Variants in CAMTA1 observed in about 807,000 individuals in gnomAD.
The protein encoded by CAMTA1 is calmodulin-binding transcription activator 1.
Under a neutral mutation model 170.9 loss-of-function variants are expected in CAMTA1, and 27 were observed. The observed-to-expected ratio is 0.16, with a 90% confidence interval of 0.12 to 0.22. The LOEUF is 0.22. Among genes scored for constraint, CAMTA1 ranks in the 10% least tolerant of loss-of-function variants. The pLI is 1.00. For synonymous variants in CAMTA1, 833 were observed against 891.5 expected (o/e 0.93, Z 1.17); for missense variants, 1,619 against 2,217.2 (o/e 0.73, Z 5.42).
chr1:7,268,261 G>A (rs1300076886), intron 5 of CAMTA1, among the ~76,000 whole-genome samples: 1 of 20,874 alleles, frequency 4.8e-5, no homozygotes, highest in East Asian at 6.8e-4. Flanking sequence ...AGAGTACAGA[G>A]GAGAAGGGGG....
chr1:6,946,349 G>A (rs954160342), intron 3 of CAMTA1, among the ~76,000 whole-genome samples: 2 of 152,052 alleles, frequency 1.3e-5, no homozygotes, highest in African/African-American at 4.8e-5. Context: ...ATGCCACTAT[G>A]CCTGGCTAAT....
intron 6 of CAMTA1, among the ~76,000 whole-genome samples, chr1:7,538,461 G>T (rs79943862): frequency 6.6e-6 from 1 of 152,162 alleles, no homozygotes; most frequent in Admixed American, 6.5e-5. Flanking sequence ...GACCAGCCTG[G>T]GTAACATAGG....
Position 7,635,720 on chromosome 1 carries a change from A to C in CAMTA1, c.511-4680A>C, listed in dbSNP as rs369653010. Reference sequence around the variant, plus strand: ...GCAGGCCGCCCTGCTGAGCTGGTCCACCTGAGCCCATCTCGCCACCAGCAA... The same window carrying C: ...GCAGGCCGCCCTGCTGAGCTGGTCCCCCTGAGCCCATCTCGCCACCAGCAA... On this transcript the variant is annotated intron_variant, in intron 6 of 22. Transcript: ENST00000303635. The surrounding 1 kb of genome is among the most constrained non-coding windows in gnomAD (Gnocchi z 4.4). 1.6e-4 allele frequency among the ~76,000 whole-genome samples: 25 copies of C among 152,030 alleles called. No individual in the cohort carries two copies. The highest frequency in any genetic ancestry group is 5.8e-4 in the African/African-American group (24 of 41,454).
At chr1:7,669,147 G>A (rs535754886) in intron 9 of CAMTA1, among the ~76,000 whole-genome samples, 3 of 152,242 alleles carry the variant, frequency 2.0e-5, no homozygotes, top group Admixed American at 6.5e-5. Context: ...TGAGGCGCAG[G>A]AGCAGGCCTC....
At chr1:7,145,928 G>T (rs1265858928) in intron 4 of CAMTA1, among the ~76,000 whole-genome samples, 1 of 152,138 alleles carries the variant, frequency 6.6e-6, no homozygotes, top group Non-Finnish European at 1.5e-5. Context: ...TATGACCTGT[G>T]ACCTGGGTCA....
At chr1:7,494,928 C>A (rs990560125) in intron 6 of CAMTA1, among the ~76,000 whole-genome samples, 1 of 152,130 alleles carries the variant, frequency 6.6e-6, no homozygotes, top group Non-Finnish European at 1.5e-5. Flanking sequence ...AGGACGCTGA[C>A]CCTTCCCTCC....
chr1:7,533,576 GT>G (rs2094515951), intron 6 of CAMTA1, among the ~76,000 whole-genome samples: 1 of 152,198 alleles, frequency 6.6e-6, no homozygotes, highest in Non-Finnish European at 1.5e-5. Flanking sequence ...GGTGTGGACA[GT>G]TGGGGTCTGG....
intron 10 of CAMTA1, among the ~76,000 whole-genome samples, chr1:7,672,753 G>A (rs2096071593): frequency 1.3e-5 from 2 of 152,088 alleles, no homozygotes; most frequent in Admixed American, 1.3e-4. Context: ...CACCAGAGCA[G>A]AAAACCCCTG....
At chr1:7,647,286 G>A (rs889082815) in intron 7 of CAMTA1, among the ~76,000 whole-genome samples, 21 of 151,422 alleles carry the variant, frequency 1.4e-4, no homozygotes, top group African/African-American at 4.6e-4. Flanking sequence ...GAAGGGGGGG[G>A]GGCTGTGTTT....
rs74055158 is a variant in CAMTA1 at position 7,585,245 on chromosome 1, T to G, written c.511-55155T>G. ...TAATTTAAGATAGTGATAAATGCAG[T>G]AACGACAGCCAGGCAGAGTAAAGGA... On this transcript the variant is annotated intron_variant, in intron 6 of 22. Transcript: ENST00000303635. The surrounding 1 kb of genome is among the most constrained non-coding windows in gnomAD (Gnocchi z 4.8). 0.015 allele frequency among the ~76,000 whole-genome samples: 2,279 copies of G among 152,144 alleles called. 68 individuals carry two copies. Among genetic ancestry groups the G allele is most frequent in the African/African-American group, 0.053 (2,207 of 41,474 alleles).
chr1:7,005,108 A>C (rs371939703), intron 3 of CAMTA1, among the ~76,000 whole-genome samples: 3 of 152,374 alleles, frequency 2.0e-5, no homozygotes, highest in African/African-American at 7.2e-5. Flanking sequence ...GTAAACCTAC[A>C]GAGAAGCTGC....
intron 1 of CAMTA1, among the ~76,000 whole-genome samples, chr1:6,798,893 C>T (rs980299825): frequency 6.6e-6 from 1 of 151,922 alleles, no homozygotes; most frequent in South Asian, 2.1e-4. Context: ...TCCACCTCCA[C>T]GCCTGGCTAA....
intron 4 of CAMTA1, among the ~76,000 whole-genome samples, chr1:7,210,201 C>A (rs1658503251): frequency 6.6e-6 from 1 of 152,244 alleles, no homozygotes; most frequent in Non-Finnish European, 1.5e-5. Context: ...GGATCCAATT[C>A]AGAATCTCAC....
At chr1:7,415,341 C>A (rs867230681) in intron 5 of CAMTA1, among the ~76,000 whole-genome samples, 1,577 of 151,154 alleles carry the variant, frequency 0.01, 29 homozygotes, top group African/African-American at 0.036. Flanking sequence ...GTTGATCTTT[C>A]TAATGTTGAC....
intron 11 of CAMTA1, among the ~76,000 whole-genome samples, chr1:7,686,842 G>C (rs1336281821): frequency 6.6e-6 from 1 of 152,086 alleles, no homozygotes. Flanking sequence ...CTGATGATTT[G>C]AATATGAAGA....
At chr1:7,213,893 A>G (rs947851428) in intron 4 of CAMTA1, among the ~76,000 whole-genome samples, 1 of 152,154 alleles carries the variant, frequency 6.6e-6, no homozygotes, top group Non-Finnish European at 1.5e-5. Flanking sequence ...TTTGCTGAGA[A>G]TGATGTTTTC....
At chr1:6,839,311 G>A (rs1654692125) in intron 3 of CAMTA1, among the ~76,000 whole-genome samples, 1 of 152,046 alleles carries the variant, frequency 6.6e-6, no homozygotes, top group African/African-American at 2.4e-5. Context: ...GAACCCGGGA[G>A]GCAGAGGTTG....
At chr1:6,906,107 G>A (rs1321938756) in intron 3 of CAMTA1, among the ~76,000 whole-genome samples, 1 of 152,200 alleles carries the variant, frequency 6.6e-6, no homozygotes, top group South Asian at 2.1e-4. Context: ...AGCCAGGAGC[G>A]ACTGCTGTTT....
intron 21 of CAMTA1, among the ~76,000 whole-genome samples, chr1:7,754,969 A>T (rs2096921234): frequency 6.6e-6 from 1 of 152,168 alleles, no homozygotes; most frequent in African/African-American, 2.4e-5. Flanking sequence ...TGAGTTATTT[A>T]ATGTTATTTT....
Sources: gnomAD v4.1 joint callset for allele counts (sites outside exome capture counted in the v4.1 genomes callset) on GRCh38, gnomAD v4.1.1 for gene constraint, Gnocchi (gnomAD v3.1) non-coding constraint, MANE v1.5 for transcripts, NCBI Gene and HGNC (gene_info 2026-07-23, HGNC 2026-07-21) for gene names.